RNF38: variants seen among roughly 807,000 people sequenced by gnomAD.
RNF38 encodes the protein ring finger protein 38.
A neutral mutation model predicts 67.2 loss-of-function variants in RNF38; 15 were observed. That is an observed-to-expected ratio of 0.22 (90% CI 0.15 to 0.34). The LOEUF is 0.34. RNF38 is among the 10% of genes least tolerant of loss of function. The pLI, the probability that RNF38 is intolerant of heterozygous loss-of-function variation, is 1.00. For synonymous variants in RNF38, 220 were observed against 218.8 expected, an observed-to-expected ratio of 1.01 and a Z score of -0.05; for missense variants, 524 against 639.9, an observed-to-expected ratio of 0.82 and a Z score of 1.95.
intron 1 of RNF38, among the ~76,000 whole-genome samples, chr9:36,395,967 T>G (rs1200577286): frequency 1.3e-5 from 2 of 152,106 alleles, no homozygotes; most frequent in Non-Finnish European, 2.9e-5. Flanking sequence ...CTTCATAAAT[T>G]CAAGAAAAAA....
At chr9:36,422,296 C>T (rs1161506404) in intron 2 of RNF38, among the ~76,000 whole-genome samples, 6 of 151,916 alleles carry the variant, frequency 3.9e-5, no homozygotes, top group South Asian at 2.1e-4. Flanking sequence ...TGGTGGCACA[C>T]GCCTGTAATC....
intron 1 of RNF38, among the ~76,000 whole-genome samples, chr9:36,392,481 A>T (rs1342964065): frequency 6.6e-6 from 1 of 152,236 alleles, no homozygotes; most frequent in African/African-American, 2.4e-5. Context: ...TCACACTTGT[A>T]ATCTCAACCC....
At chr9:36,477,637 T>C (rs1333148656) in intron 1 of RNF38, among the ~76,000 whole-genome samples, 2 of 150,586 alleles carry the variant, frequency 1.3e-5, no homozygotes. Context: ...CTGGCTAACA[T>C]GGTGAAACCC....
chr9:36,478,584 G>A (rs1304084511), intron 1 of RNF38, among the ~76,000 whole-genome samples: 1 of 151,150 alleles, frequency 6.6e-6, no homozygotes, highest in Non-Finnish European at 1.5e-5. Context: ...CTGGGAGGCC[G>A]AGGAGGGTAG....
chr9:36,395,032 T>C (rs1260476397), intron 1 of RNF38, among the ~76,000 whole-genome samples: 1 of 152,232 alleles, frequency 6.6e-6, no homozygotes, highest in African/African-American at 2.4e-5. Context: ...TTAATGTCTA[T>C]TTCCATATAA....
At chr9:36,398,054 TTGAG>T (rs1210820473) in intron 1 of RNF38, among the ~76,000 whole-genome samples, 1 of 152,200 alleles carries the variant, frequency 6.6e-6, no homozygotes, top group Non-Finnish European at 1.5e-5. Flanking sequence ...AGAGGTATGA[TTGAG>T]TTATAATTTT....
intron 2 of RNF38, among the ~76,000 whole-genome samples, chr9:36,422,950 A>G (rs1838668290): frequency 6.6e-6 from 1 of 152,226 alleles, no homozygotes. Context: ...CCCGGAGGGC[A>G]GTCTGGCTTC....
intron 1 of RNF38, among the ~76,000 whole-genome samples, chr9:36,398,837 A>G (rs1406087466): frequency 1.3e-5 from 2 of 152,244 alleles, no homozygotes; most frequent in Non-Finnish European, 2.9e-5. Context: ...TAGGTGGAAT[A>G]AACTAGAAGA....
At chr9:36,451,560 G>T (rs1296051886) in intron 1 of RNF38, among the ~76,000 whole-genome samples, 1 of 134,114 alleles carries the variant, frequency 7.5e-6, no homozygotes, top group Admixed American at 8.2e-5. Flanking sequence ...GAGTGCAATG[G>T]TGCAATCTCG....
intron 11 of RNF38, 127 bp from the exon 12 acceptor site, chr9:36,339,941 A>T: frequency 1.1e-6 from 1 of 875,844 alleles, no homozygotes; most frequent in South Asian, 1.5e-5. Context: ...GTACAAAGCA[A>T]TTTTTGCCTT....
At chr9:36,366,829 C>A (rs1009165969) in intron 4 of RNF38, among the ~76,000 whole-genome samples, 2 of 152,106 alleles carry the variant, frequency 1.3e-5, no homozygotes, top group Non-Finnish European at 2.9e-5. Flanking sequence ...ACCGAGTTAA[C>A]TTTGTTTATT....
intron 1 of RNF38, among the ~76,000 whole-genome samples, chr9:36,441,724 A>AC (rs1839195941): frequency 1.9e-5 from 1 of 51,884 alleles, no homozygotes; most frequent in Non-Finnish European, 3.3e-5. Context: ...CTCCTCAATT[A>AC]AAAACAACAA....
chr9:36,366,569 T>A (rs187731001), intron 4 of RNF38, among the ~76,000 whole-genome samples: 1 of 152,384 alleles, frequency 6.6e-6, no homozygotes, highest in East Asian at 1.9e-4. Flanking sequence ...CGGGATTTTC[T>A]ATCAGTATAA....
chr9:36,473,588 C>G (rs1338883533), intron 1 of RNF38, among the ~76,000 whole-genome samples: 3 of 151,694 alleles, frequency 2.0e-5, no homozygotes, highest in Admixed American at 6.6e-5. Context: ...AACTCCGTCT[C>G]AAAAAAGATA....
intron 1 of RNF38, among the ~76,000 whole-genome samples, chr9:36,397,750 G>A (rs553970953): frequency 3.9e-5 from 6 of 152,140 alleles, no homozygotes; most frequent in South Asian, 2.1e-4. Context: ...ATAAAGGGTA[G>A]GAAAAATAAG....
chr9:36,425,427 C>T (rs1305370065), intron 1 of RNF38, among the ~76,000 whole-genome samples: 1 of 152,192 alleles, frequency 6.6e-6, no homozygotes, highest in African/African-American at 2.4e-5. Context: ...GGTGCAGTGG[C>T]TTAGGCCTGT....
At chr9:36,428,140 G>C (rs968915480) in intron 1 of RNF38, among the ~76,000 whole-genome samples, 1 of 152,014 alleles carries the variant, frequency 6.6e-6, no homozygotes, top group African/African-American at 2.4e-5. Flanking sequence ...AATGAGGCCA[G>C]GCGCGGTGGC....
chr9:36,376,237 G>A, intron 2 of RNF38, 110 bp from the exon 3 acceptor site: 4 of 811,488 alleles, frequency 4.9e-6, no homozygotes, highest in Non-Finnish European at 7.3e-6. Flanking sequence ...AAAATGTAAA[G>A]CGGGGAAAAA....
At chr9:36,426,053 T>C (rs901443755) in intron 1 of RNF38, among the ~76,000 whole-genome samples, 2 of 152,184 alleles carry the variant, frequency 1.3e-5, no homozygotes, top group African/African-American at 4.8e-5. Flanking sequence ...AACATGAGGC[T>C]GAAGACTGTA....
Sources: gnomAD v4.1 joint callset for allele counts (sites outside exome capture counted in the v4.1 genomes callset) on GRCh38, gnomAD v4.1.1 for gene constraint, MANE v1.5 for transcripts, NCBI Gene and HGNC (gene_info 2026-07-23, HGNC 2026-07-21) for gene names.